Variants in WARS2 observed in about 807,000 individuals in gnomAD.
The protein encoded by WARS2 is tryptophanyl tRNA synthetase 2, mitochondrial.
A neutral mutation model predicts 36.5 loss-of-function variants in WARS2; 28 were observed. The ratio of observed to expected loss-of-function variants is 0.77; its 90% CI spans 0.57 to 1.05. WARS2 has a LOEUF of 1.05. Among genes scored for constraint, WARS2 ranks in the 50% least tolerant of loss-of-function variants. The pLI, the probability that WARS2 is intolerant of heterozygous loss-of-function variation, is 0.00. For synonymous variants in WARS2, 174 were observed against 178.4 expected (o/e 0.98, Z 0.20); for missense variants, 435 against 456.8 (o/e 0.95, Z 0.44).
chr1:119,077,129 C>T (rs1165154942), intron 1 of WARS2, among the ~76,000 whole-genome samples: 2 of 10,246 alleles, frequency 2.0e-4, no homozygotes, highest in Admixed American at 1.1e-3. Context: ...CAGAGCGAGA[C>T]CCCGTCTCAA....
In WARS2 at chr1:119,033,210, C is replaced by G; in HGVS notation, c.784G>C (p.Val262Leu). 2 of 1,614,258 alleles carry G rather than the reference C, an allele frequency of 1.2e-6. No individual in the cohort carries two copies. Among genetic ancestry groups the G allele is most frequent in the Non-Finnish European group, 1.7e-6 (2 of 1,180,048 alleles). Residue 262 changes from valine (V) to leucine (L), a missense_variant, in exon 6 of 6, where the codon GTC (valine) becomes CTC (leucine). Transcript: ENST00000235521. ...GCGCGGCCAGCCGGGTCATAGGTGA[C>G]CTCCGAGGTGAAGTCTGTCACAGCC... is the stretch of plus-strand genomic sequence containing the variant. ...RKAVTDFTSE[V>L]TYDPAGRAGV...
chr1:119,068,930 G>C (rs141482336), intron 2 of WARS2, among the ~76,000 whole-genome samples: 3 of 152,048 alleles, frequency 2.0e-5, no homozygotes, highest in African/African-American at 7.2e-5. Flanking sequence ...CATATTTTAG[G>C]GGAAGCACAT....
chr1:119,138,074 T>TAA (rs1656639441), intron 1 of WARS2, among the ~76,000 whole-genome samples: 1 of 152,192 alleles, frequency 6.6e-6, no homozygotes, highest in Non-Finnish European at 1.5e-5. Flanking sequence ...ATTTCTTGGT[T>TAA]TTTGATGGAA....
intron 1 of WARS2, chr1:119,085,976 G>A (rs998783125): frequency 6.0e-5 from 96 of 1,607,858 alleles, no homozygotes; most frequent in Middle Eastern, 2.3e-4. Context: ...CAAACTCAGC[G>A]TTCAGGTATC....
At chr1:119,119,652 T>C (rs1344900646) in intron 1 of WARS2, among the ~76,000 whole-genome samples, 1 of 152,228 alleles carries the variant, frequency 6.6e-6, no homozygotes, top group East Asian at 1.9e-4. Flanking sequence ...ATAGACCATA[T>C]GATAGACCAC....
intron 1 of WARS2, among the ~76,000 whole-genome samples, chr1:119,108,882 T>A (rs1031944681): frequency 1.3e-5 from 2 of 151,988 alleles, no homozygotes; most frequent in Admixed American, 6.6e-5. Context: ...AGCACTGCTT[T>A]CACTGCATCC....
chr1:119,091,888 G>C lies in WARS2; in HGVS notation c.91-15281C>G, dbSNP rs767396992. Among the ~76,000 whole-genome samples the C allele has an allele frequency of 7.9e-5, 12 of 152,348 alleles. 3 individuals carry two copies. The highest frequency in any genetic ancestry group is 2.9e-4 in the African/African-American group (12 of 41,586). On this transcript the variant is annotated intron_variant, in intron 1 of 5. Coordinates refer to ENST00000235521, the MANE Select transcript of WARS2 (RefSeq NM_015836.4). The stretch of plus-strand genomic sequence containing the variant: ...TGAGGACAGTAAAATACACAGCACA[G>C]TGTCTGCCTGGCTGCAACACTGATT...
chr1:119,092,385 A>G (rs1352999542), intron 1 of WARS2, among the ~76,000 whole-genome samples: 1 of 152,196 alleles, frequency 6.6e-6, no homozygotes, highest in Non-Finnish European at 1.5e-5. Flanking sequence ...CATTATCTTT[A>G]TTAAGGAAAT....
At chr1:119,087,272 A>G (rs1430655456) in intron 1 of WARS2, among the ~76,000 whole-genome samples, 1 of 152,160 alleles carries the variant, frequency 6.6e-6, no homozygotes, top group African/African-American at 2.4e-5. Context: ...GCACAGTGCC[A>G]GGTATGTTGT....
chr1:119,083,057 C>G (rs976427497), intron 1 of WARS2, among the ~76,000 whole-genome samples: 1 of 151,988 alleles, frequency 6.6e-6, no homozygotes, highest in South Asian at 2.1e-4. Flanking sequence ...GGTGAAACCC[C>G]GTCTCTACTA....
intron 2 of WARS2, among the ~76,000 whole-genome samples, chr1:119,057,116 G>T (rs1000990531): frequency 6.6e-6 from 1 of 151,920 alleles, no homozygotes; most frequent in African/African-American, 2.4e-5. Context: ...CTATGATGTT[G>T]AACTTTTCAT....
At chr1:119,079,772 G>C (rs143400188) in intron 1 of WARS2, among the ~76,000 whole-genome samples, 141 of 152,248 alleles carry the variant, frequency 9.3e-4, no homozygotes, top group African/African-American at 3.2e-3. Context: ...GTCCAGAATT[G>C]TGCTTGATCC....
chr1:119,109,259 CCTTA>C (rs1263756115), intron 1 of WARS2, among the ~76,000 whole-genome samples: 3 of 151,902 alleles, frequency 2.0e-5, no homozygotes, highest in East Asian at 3.9e-4. Flanking sequence ...AGTTCTATGG[CCTTA>C]CTAATTTTCT....
intron 1 of WARS2, among the ~76,000 whole-genome samples, chr1:119,119,543 T>C (rs1655202608): frequency 1.3e-5 from 2 of 152,054 alleles, no homozygotes; most frequent in African/African-American, 4.8e-5. Flanking sequence ...ACTTAAACTA[T>C]ACTTTAAAAC....
intron 2 of WARS2, 60 bp downstream of exon 2, chr1:119,076,290 A>AT: frequency 6.3e-7 from 1 of 1,584,008 alleles, no homozygotes; most frequent in Non-Finnish European, 8.6e-7. Flanking sequence ...ACCATTCAAC[A>AT]TTTTTTCCTC....
intron 1 of WARS2, among the ~76,000 whole-genome samples, chr1:119,138,350 G>T (rs1656660357): frequency 6.6e-6 from 1 of 152,134 alleles, no homozygotes. Flanking sequence ...TAACAGCATT[G>T]TGGGACAAGT....
chr1:119,140,196 T>C (rs897329721), intron 1 of WARS2: 1 of 188,568 alleles, frequency 5.3e-6, no homozygotes, highest in Admixed American at 5.9e-5. Context: ...GTAAAAACAG[T>C]AATAAGACCA....
chr1:119,134,319 C>CAAAAAA (rs761321480), intron 1 of WARS2, among the ~76,000 whole-genome samples: 852 of 65,562 alleles, frequency 0.013, 48 homozygotes, highest in Middle Eastern at 0.02. Flanking sequence ...GGCAAAGGGG[C>CAAAAAA]AAAAAAAAAA....
intron 2 of WARS2, among the ~76,000 whole-genome samples, chr1:119,073,757 CTATTTT>C (rs1435662947): frequency 1.3e-5 from 2 of 152,088 alleles, no homozygotes; most frequent in African/African-American, 4.8e-5. Flanking sequence ...TCTTCAATTG[CTATTTT>C]GAACAACAAA....
Sources: allele counts gnomAD v4.1 joint callset (sites outside exome capture counted in the v4.1 genomes callset), GRCh38; gene constraint gnomAD v4.1.1; transcripts MANE v1.5; gene names NCBI Gene and HGNC (gene_info 2026-07-23, HGNC 2026-07-21).